The following EHBP1 variants were observed in gnomAD, a reference collection of about 807,000 sequenced individuals.
The protein encoded by EHBP1 is EH domain-binding protein 1.
EHBP1 carries 55 observed loss-of-function variants against 144.0 expected under a neutral mutation model. That is an observed-to-expected ratio of 0.38 (90% CI 0.31 to 0.48). The LOEUF (loss-of-function observed/expected upper bound fraction) is 0.48. Ranked by LOEUF, EHBP1 falls within the 20% of genes least tolerant of loss-of-function variation. The pLI is 0.98. For synonymous variants in EHBP1, 469 were observed against 472.7 expected (o/e 0.99, Z 0.10); for missense variants, 1,200 against 1,364.2 (o/e 0.88, Z 1.90).
chr2:62,944,011 G>T (rs1414316378), intron 12 of EHBP1, among the ~76,000 whole-genome samples, 161 bp downstream of exon 12: 2 of 152,132 alleles, frequency 1.3e-5, no homozygotes, highest in Admixed American at 6.5e-5. Flanking sequence ...GTTTACTCTG[G>T]TTTATCATGG....
intron 19 of EHBP1, among the ~76,000 whole-genome samples, chr2:63,010,521 C>T (rs576153291): frequency 3.2e-4 from 48 of 151,684 alleles, no homozygotes; most frequent in Admixed American, 2.4e-3. Flanking sequence ...CTAAAAAAAT[C>T]GTAGTCTACC....
chr2:62,943,868 A>G lies in EHBP1; in HGVS notation c.1413+18A>G, dbSNP rs1032986475. 19 of 1,582,396 alleles carry G rather than the reference A, an allele frequency of 1.2e-5. No individual in the cohort carries two copies. The highest frequency in any genetic ancestry group is 1.6e-5 in the Non-Finnish European group (19 of 1,156,804). Reference sequence around the variant, plus strand: ...ACAAAAAGGTAAGAATTGATGAGCAAGAAAAATACGTAGTTTCAATTTTGG... The same window carrying G: ...ACAAAAAGGTAAGAATTGATGAGCAGGAAAAATACGTAGTTTCAATTTTGG... On this transcript the variant is annotated intron_variant, in intron 12 of 22. Transcript: ENST00000431489.
chr2:62,919,368 C>T (rs936280793), intron 10 of EHBP1, among the ~76,000 whole-genome samples: 1 of 152,108 alleles, frequency 6.6e-6, no homozygotes, highest in African/African-American at 2.4e-5. Flanking sequence ...TCAAAAGCAA[C>T]CATATATATA....
chr2:62,717,478 T>C (rs1247979316), intron 2 of EHBP1, among the ~76,000 whole-genome samples: 2 of 152,206 alleles, frequency 1.3e-5, no homozygotes, highest in Non-Finnish European at 2.9e-5. Flanking sequence ...ATTAGGACTT[T>C]TGCACATTTG....
At chr2:62,872,995 G>C (rs1243723650) in intron 9 of EHBP1, among the ~76,000 whole-genome samples, 2 of 152,172 alleles carry the variant, frequency 1.3e-5, no homozygotes, top group African/African-American at 4.8e-5. Flanking sequence ...CCAGCACACT[G>C]TTGTCTCAGA....
At chr2:62,889,561 G>T (rs1006549940) in intron 10 of EHBP1, among the ~76,000 whole-genome samples, 9 of 151,988 alleles carry the variant, frequency 5.9e-5, no homozygotes, top group African/African-American at 2.2e-4. Context: ...AATCTATCTT[G>T]AGTTAATTTT....
At chr2:62,830,548 C>A (rs2046755765) in intron 6 of EHBP1, among the ~76,000 whole-genome samples, 1 of 151,994 alleles carries the variant, frequency 6.6e-6, no homozygotes, top group Non-Finnish European at 1.5e-5. Context: ...GGGTATTAGT[C>A]CTTTGTTGGA....
chr2:62,729,785 A>T (rs1012823389), intron 2 of EHBP1, among the ~76,000 whole-genome samples: 1 of 151,440 alleles, frequency 6.6e-6, no homozygotes, highest in African/African-American at 2.4e-5. Flanking sequence ...TCCTCTCCAT[A>T]AGGGTTTTAC....
chr2:62,814,979 A>G (rs185351182), intron 5 of EHBP1, among the ~76,000 whole-genome samples: 2 of 152,348 alleles, frequency 1.3e-5, no homozygotes, highest in African/African-American at 2.4e-5. Flanking sequence ...TATGAAAAAA[A>G]TCTTTTAAAA....
chr2:62,874,487 T>C lies in EHBP1; in HGVS notation c.1140T>C (p.Asn380=), dbSNP rs756493684. The C allele has an allele frequency of 1.9e-6, 3 of 1,609,052 alleles. No homozygotes were observed. The Admixed American group carries it at 5.1e-5, about 27-fold the overall frequency. Residue 380 remains asparagine (N), a synonymous_variant, in exon 10 of 23, where the codon AAT becomes AAC. Transcript: ENST00000431489. ...TCTCACCAAAAACAGGAGTATTAAA[T>C]GAAAACACAGTTTCTGCAGGAAAAG... ...PVLSPKTGVL[N]ENTVSAGKDL...
At chr2:62,960,998 T>C (rs948291593) in intron 14 of EHBP1, among the ~76,000 whole-genome samples, 2 of 152,242 alleles carry the variant, frequency 1.3e-5, no homozygotes, top group Non-Finnish European at 2.9e-5. Flanking sequence ...AGTTCAGCTT[T>C]CAGTTCTGCC....
At chr2:62,929,163 A>G (rs1348225758) in intron 10 of EHBP1, among the ~76,000 whole-genome samples, 1 of 152,218 alleles carries the variant, frequency 6.6e-6, no homozygotes, top group Non-Finnish European at 1.5e-5. Context: ...CACTTAAAGA[A>G]GAACCAACAC....
chr2:63,040,608 A>G (rs1009363276), intron 21 of EHBP1, among the ~76,000 whole-genome samples: 1 of 152,236 alleles, frequency 6.6e-6, no homozygotes, highest in Non-Finnish European at 1.5e-5. Context: ...GTTTTGCATT[A>G]TCATTCTCTT....
chr2:62,790,991 G>C (rs561677848), intron 5 of EHBP1, among the ~76,000 whole-genome samples: 151 of 151,958 alleles, frequency 9.9e-4, no homozygotes, highest in Middle Eastern at 3.4e-3. Flanking sequence ...GTGGGTTTCT[G>C]GATTAAAATA....
At chr2:62,835,566 T>A (rs1206542323) in intron 7 of EHBP1, among the ~76,000 whole-genome samples, 3 of 152,124 alleles carry the variant, frequency 2.0e-5, no homozygotes, top group African/African-American at 7.2e-5. Flanking sequence ...ATTTCTGCAT[T>A]TCCATCTGAG....
At chr2:63,006,734 C>T (rs943739068) in intron 19 of EHBP1, among the ~76,000 whole-genome samples, 3 of 151,552 alleles carry the variant, frequency 2.0e-5, no homozygotes, top group Admixed American at 6.6e-5. Context: ...TAATAGAATA[C>T]GTGCCATTTT....
At chr2:62,802,727 T>G (rs1185071131) in intron 5 of EHBP1, among the ~76,000 whole-genome samples, 1 of 145,912 alleles carries the variant, frequency 6.9e-6, no homozygotes, top group East Asian at 2.0e-4. Context: ...TACTTTTTTT[T>G]TTTTTTTTTT....
At chr2:62,979,054 C>T in intron 14 of EHBP1, 134 bp from the exon 15 acceptor site, 2 of 679,420 alleles carry the variant, frequency 2.9e-6, no homozygotes. Flanking sequence ...TGACATCCAA[C>T]TGATATAGAG....
chr2:62,966,218 T>C (rs972532697), intron 14 of EHBP1, among the ~76,000 whole-genome samples: 1 of 152,194 alleles, frequency 6.6e-6, no homozygotes, highest in Non-Finnish European at 1.5e-5. Context: ...AAAAGGAAGT[T>C]ATCTGAAAAT....
Sources: gnomAD v4.1 joint callset for allele counts (sites outside exome capture counted in the v4.1 genomes callset) on GRCh38, gnomAD v4.1.1 for gene constraint, MANE v1.5 for transcripts, NCBI Gene and HGNC (gene_info 2026-07-23, HGNC 2026-07-21) for gene names.